The following NAV2 variants were observed in gnomAD, a reference collection of about 807,000 sequenced individuals.
NAV2 encodes the protein neuron navigator 2.
Under a neutral mutation model 223.2 loss-of-function variants are expected in NAV2, and 54 were observed. That is an observed-to-expected ratio of 0.24 (90% confidence interval 0.19 to 0.30). NAV2 has a LOEUF of 0.30. Among genes scored for constraint, NAV2 ranks in the 10% least tolerant of loss-of-function variants. NAV2 has a pLI of 1.00. For synonymous variants in NAV2, 1,279 were observed against 1,239.3 expected, an observed-to-expected ratio of 1.03 and a Z score of -0.67; for missense variants, 2,806 against 3,147.5, an observed-to-expected ratio of 0.89 and a Z score of 2.60.
intron 20 of NAV2, among the ~76,000 whole-genome samples, chr11:20,062,618 T>C (rs1341402699): frequency 6.6e-6 from 1 of 152,258 alleles, no homozygotes; most frequent in Non-Finnish European, 1.5e-5. Context: ...TGAGAAGCCT[T>C]GGCCACCTGC....
chr11:19,946,513 T>A lies in NAV2; in HGVS notation c.2255+4T>A. On this transcript the variant is annotated splice_donor_region_variant and intron_variant, in intron 9 of 37. Coordinates refer to ENST00000349880, the MANE Select transcript of NAV2 (RefSeq NM_145117.5). ...GGGGAACTCAGGTTACACACAGGTA[T>A]CTGCAGTGTGAATTACTTTACTGAA... The A allele has an allele frequency of 6.2e-7, 1 of 1,609,596 alleles. No homozygotes were observed. Among genetic ancestry groups the A allele is most frequent in the Non-Finnish European group, 8.5e-7 (1 of 1,177,030 alleles).
intron 1 of NAV2, among the ~76,000 whole-genome samples, chr11:19,825,943 C>G (rs1454855239): frequency 1.3e-5 from 2 of 152,146 alleles, no homozygotes; most frequent in Non-Finnish European, 2.9e-5. Flanking sequence ...CCCCTTTTAT[C>G]TTGTCAAGCC....
At chr11:19,947,472 T>G (rs1156314003) in intron 9 of NAV2, among the ~76,000 whole-genome samples, 4 of 152,206 alleles carry the variant, frequency 2.6e-5, no homozygotes, top group Non-Finnish European at 5.9e-5. Context: ...GACTCTACCA[T>G]TAGGTGTGAA....
intron 1 of NAV2, among the ~76,000 whole-genome samples, chr11:19,804,859 T>C (rs372442865): frequency 1.2e-4 from 18 of 152,276 alleles, no homozygotes; most frequent in African/African-American, 4.3e-4. Flanking sequence ...CCCAGTGCTT[T>C]TGAGAAACCC....
At chr11:19,936,188 G>T (rs1281896533) in intron 7 of NAV2, among the ~76,000 whole-genome samples, 2 of 152,014 alleles carry the variant, frequency 1.3e-5, no homozygotes, top group Non-Finnish European at 2.9e-5. Flanking sequence ...TCTCTGAAGT[G>T]TGGAGGCAAC....
chr11:19,927,749 T>C (rs1262537200), intron 6 of NAV2, among the ~76,000 whole-genome samples: 1 of 152,066 alleles, frequency 6.6e-6, no homozygotes, highest in East Asian at 1.9e-4. Flanking sequence ...CAATCAGCAT[T>C]TTAGAACAGA....
At chr11:20,046,163 G>A (rs546264850) in intron 14 of NAV2, among the ~76,000 whole-genome samples, 6 of 151,888 alleles carry the variant, frequency 4.0e-5, no homozygotes, top group South Asian at 2.1e-4. Context: ...GTGAAACCCC[G>A]TCTCTACTAA....
intron 26 of NAV2, among the ~76,000 whole-genome samples, chr11:20,087,244 C>A (rs2060507648): frequency 6.6e-6 from 1 of 152,144 alleles, no homozygotes; most frequent in Admixed American, 6.5e-5. Flanking sequence ...TGTGCAGGAC[C>A]ATGGCAGAAC....
rs1490997715 is a variant in NAV2, at chr11:19,353,419, A to G, written c.75+2392A>G. On this transcript the variant is annotated intron_variant, in intron 1 of 37. Coordinates refer to the NAV2 transcript ENST00000360655. The stretch of plus-strand genomic sequence containing the variant: ...TGGCTGTTTGTGGGTACGTGCATAT[A>G]CCTTCTGCAGTGAAAAGCGTCATGG... Among the ~76,000 whole-genome samples the G allele has an allele frequency of 3.9e-5, 6 of 152,134 alleles. No individual in the cohort carries two copies. In the East Asian group the frequency reaches 1.2e-3, roughly 29 times the overall value.
chr11:19,825,763 G>A (rs1265458653), intron 1 of NAV2, among the ~76,000 whole-genome samples: 1 of 152,156 alleles, frequency 6.6e-6, no homozygotes, highest in African/African-American at 2.4e-5. Context: ...CTAATGATTA[G>A]GTTCTTTACT....
intron 1 of NAV2, among the ~76,000 whole-genome samples, chr11:19,411,109 C>A (rs1850126083): frequency 6.6e-6 from 1 of 152,070 alleles, no homozygotes; most frequent in South Asian, 2.1e-4. Context: ...TTTTTTAAAC[C>A]CAGGTTGCTT....
At chr11:19,353,801 T>C (rs1404863244) in intron 1 of NAV2, among the ~76,000 whole-genome samples, 1 of 152,224 alleles carries the variant, frequency 6.6e-6, no homozygotes, top group East Asian at 1.9e-4. Context: ...GAATACAGAA[T>C]ATAAATTTCT....
chr11:19,896,252 G>C (rs2041976283), intron 6 of NAV2, among the ~76,000 whole-genome samples: 1 of 152,014 alleles, frequency 6.6e-6, no homozygotes, highest in African/African-American at 2.4e-5. Context: ...TCACATTGTG[G>C]TACAGCCAAT....
intron 1 of NAV2, among the ~76,000 whole-genome samples, chr11:19,526,583 A>G (rs780607248): frequency 1.3e-5 from 2 of 152,156 alleles, no homozygotes; most frequent in Non-Finnish European, 2.9e-5. Flanking sequence ...AAAGAGGGAA[A>G]GACAGTTCTT....
In NAV2 at chr11:19,933,377, C is replaced by G. The variant is rs769065678; in HGVS notation, c.1133C>G (p.Pro378Arg). The G allele has an allele frequency of 4.4e-6, 7 of 1,587,170 alleles. No individual in the cohort carries two copies. Among genetic ancestry groups the G allele is most frequent in the Non-Finnish European group, 6.0e-6 (7 of 1,165,564 alleles). ...ACGGTATCCATGCTCTCGGTCAAGC[C>G]TCCTGGGCCTGAGGCCCCCAGGCCC... The part of the protein sequence containing the change: ...SATVSMLSVK[P>R]PGPEAPRPTP... The change falls in exon 7 of 38, where the codon CCT (proline) becomes CGT (arginine). Residue 378 changes from proline to arginine, a missense_variant. By Grantham distance (103) the Pro-to-Arg change is moderately radical. Around this residue, in one of 4 missense-constraint regions of NAV2, gnomAD observed 1,167 missense variants for 1,180.5 expected, o/e 0.99. Coordinates refer to ENST00000349880, the MANE Select transcript of NAV2 (RefSeq NM_145117.5). The surrounding 1 kb of genome is among the most constrained non-coding windows in gnomAD (Gnocchi z 4.3).
chr11:19,677,136 C>T lies in NAV2; in HGVS notation c.76-155348C>T, dbSNP rs538757111. Among the ~76,000 whole-genome samples the T allele has an allele frequency of 3.3e-5, 5 of 152,374 alleles. No individual in the cohort carries two copies. In the South Asian group the frequency reaches 1.0e-3, roughly 32 times the overall value. On this transcript the variant is annotated intron_variant, in intron 1 of 37. Transcript: ENST00000360655. ...GGGGCAAGCTGCAGTCGGGTCCAGA[C>T]CATGGTGATACTAACCCCAGCCTGT...
intron 20 of NAV2, among the ~76,000 whole-genome samples, chr11:20,067,950 A>G (rs2059155270): frequency 1.3e-5 from 2 of 152,052 alleles, no homozygotes. Context: ...CTCACAACCA[A>G]AATGTGGAGT....
In NAV2 at chr11:19,819,647, G is replaced by C. The variant is rs572775400; in HGVS notation, c.268-12837G>C. Among the ~76,000 whole-genome samples, 3 of 152,254 alleles carry C rather than the reference G, an allele frequency of 2.0e-5. No homozygotes were observed. In the East Asian group the frequency reaches 5.8e-4, roughly 29 times the overall value. Reference sequence around the variant, plus strand: ...TGATGCACTTGAAGGCATTTTTTAGGGACATGGAGATGACGGAAATAATGA... The same window carrying C: ...TGATGCACTTGAAGGCATTTTTTAGCGACATGGAGATGACGGAAATAATGA... On this transcript the variant is annotated intron_variant, in intron 1 of 37. Transcript: ENST00000349880.
At chr11:19,878,268 A>G (rs11025308) in intron 4 of NAV2, among the ~76,000 whole-genome samples, 14,531 of 152,240 alleles carry the variant, frequency 0.095, 804 homozygotes, top group Admixed American at 0.14. Context: ...TGTCATTTTT[A>G]AGGTATGAAG....
Sources: gnomAD v4.1 joint callset for allele counts (sites outside exome capture counted in the v4.1 genomes callset) on GRCh38, gnomAD v4.1.1 for gene constraint, gnomAD v4.1.1 regional missense constraint, Gnocchi (gnomAD v3.1) non-coding constraint, MANE v1.5 for transcripts, NCBI Gene and HGNC (gene_info 2026-07-23, HGNC 2026-07-21) for gene names.